Variants in CD276 observed in about 807,000 individuals in gnomAD.
CD276 encodes the protein CD276 molecule.
In CD276, 34 loss-of-function variants were observed where a neutral mutation model predicts 50.0. The ratio of observed to expected loss-of-function variants is 0.68; its 90% CI spans 0.52 to 0.91. CD276 has a LOEUF of 0.91. Ranked by LOEUF, CD276 falls within the 40% of genes least tolerant of loss-of-function variation. The probability of loss-of-function intolerance (pLI) is 0.00; values close to 1 mark genes in which losing one functional copy is unlikely to be tolerated. For missense variants in CD276, 634 were observed against 717.5 expected, an observed-to-expected ratio of 0.88 and a Z score of 1.33; for synonymous variants, 275 against 313.0, an observed-to-expected ratio of 0.88 and a Z score of 1.28.
In CD276 at chr15:73,703,640, CCT is replaced by C; in HGVS notation, c.734-16_734-15del. On this transcript the variant is annotated splice_polypyrimidine_tract_variant and intron_variant, in intron 4 of 9. Transcript: ENST00000318443. ...TCCCATTTCTCCTCACCACCCTGCC[CCT>C]CTGACCCCGCCCCCAGGAGCCGTGG... The C allele has an allele frequency of 6.3e-7, 1 of 1,589,784 alleles. No individual in the cohort carries two copies.
At chr15:73,705,931 A>C (rs1900630605) in intron 6 of CD276, among the ~76,000 whole-genome samples, 1 of 152,218 alleles carries the variant, frequency 6.6e-6, no homozygotes, top group South Asian at 2.1e-4. Flanking sequence ...TTTAAACTTG[A>C]GTAGCTAACA....
At position 73,703,895 on chromosome 15, in the gene CD276, T is replaced by A. The variant is rs746602353; in HGVS notation, c.970T>A (p.Ser324Thr). The change falls in exon 5 of 10, where the codon TCC becomes ACC. Residue 324 changes from serine to threonine, a missense_variant. Ser to Thr is a moderately conservative substitution (Grantham distance 58). Coordinates refer to ENST00000318443, the MANE Select transcript of CD276 (RefSeq NM_001024736.2). ...FPDLLAQGNA[S>T]LRLQRVRVAD... ...GGACCTGCTGGCACAAGGCAATGCA[T>A]CCCTGAGGCTGCAGCGCGTGCGTGT... 6.2e-7 allele frequency: 1 copy of A among 1,613,690 alleles called. No homozygotes were observed.
chr15:73,692,146 C>T (rs1259639821), intron 1 of CD276, among the ~76,000 whole-genome samples: 1 of 152,158 alleles, frequency 6.6e-6, no homozygotes, highest in African/African-American at 2.4e-5. Context: ...TCTTCTGTGA[C>T]TTTTCATGCT....
At chr15:73,709,008 A>G (rs1010519760) in intron 7 of CD276, among the ~76,000 whole-genome samples, 10 of 152,144 alleles carry the variant, frequency 6.6e-5, no homozygotes, top group African/African-American at 2.4e-4. Flanking sequence ...CTGGTGGGTA[A>G]ACAGATGCAT....
chr15:73,709,613 A>G, intron 7 of CD276, 35 bp from the exon 8 acceptor site: 1 of 1,611,056 alleles, frequency 6.2e-7, no homozygotes. Context: ...GGCTTGCAAA[A>G]GATTTTTGTT....
intron 9 of CD276, chr15:73,711,483 C>G (rs957205099): frequency 1.2e-5 from 4 of 330,332 alleles, no homozygotes; most frequent in African/African-American, 8.5e-5. Flanking sequence ...GGATTCTGCC[C>G]TCTTCAACTT....
intron 6 of CD276, among the ~76,000 whole-genome samples, chr15:73,708,001 A>G (rs1900715145): frequency 6.6e-6 from 1 of 152,200 alleles, no homozygotes; most frequent in Non-Finnish European, 1.5e-5. Flanking sequence ...AACTTAGGGG[A>G]GGGTAAGCAG....
intron 2 of CD276, among the ~76,000 whole-genome samples, chr15:73,700,341 T>C (rs1210590606): frequency 1.3e-5 from 2 of 152,244 alleles, no homozygotes; most frequent in East Asian, 1.9e-4. Context: ...GCTACTTTAA[T>C]AACAATATCC....
At chr15:73,707,294 G>A (rs1252254506) in intron 6 of CD276, among the ~76,000 whole-genome samples, 1 of 152,234 alleles carries the variant, frequency 6.6e-6, no homozygotes, top group East Asian at 1.9e-4. Flanking sequence ...TTCCTCTCAA[G>A]ACTTCTCCCT....
intron 1 of CD276, among the ~76,000 whole-genome samples, chr15:73,691,852 G>T (rs1467185928): frequency 6.6e-6 from 1 of 152,184 alleles, no homozygotes; most frequent in African/African-American, 2.4e-5. Flanking sequence ...ACGGGGAGGT[G>T]CTCATCTGTT....
chr15:73,689,625 G>C (rs571907092), intron 1 of CD276, among the ~76,000 whole-genome samples: 2 of 152,222 alleles, frequency 1.3e-5, no homozygotes, highest in East Asian at 3.9e-4. Flanking sequence ...TCCTATGAGG[G>C]TAAGGTTTAT....
chr15:73,688,777 G>A (rs146645139), intron 1 of CD276, among the ~76,000 whole-genome samples: 85 of 152,302 alleles, frequency 5.6e-4, no homozygotes, highest in African/African-American at 2.0e-3. Flanking sequence ...GCTACACTCC[G>A]AGAGGGGTCT....
intron 1 of CD276, among the ~76,000 whole-genome samples, chr15:73,689,793 G>A (rs1330355576): frequency 6.6e-6 from 1 of 152,096 alleles, no homozygotes; most frequent in Non-Finnish European, 1.5e-5. Flanking sequence ...GAAGCTTCTT[G>A]TGATTACACC....
chr15:73,686,417 G>A (rs910404338), intron 1 of CD276: 22 of 380,372 alleles, frequency 5.8e-5, no homozygotes, highest in Non-Finnish European at 7.6e-5. Flanking sequence ...CCGATGGAGG[G>A]TTGGCTGAAT....
Position 73,712,983 on chromosome 15 carries a change from C to T in CD276, c.*27C>T. 6.2e-7 allele frequency: 1 copy of T among 1,608,594 alleles called. No homozygotes were observed. Among genetic ancestry groups the T allele is most frequent in the African/African-American group, 1.3e-5 (1 of 74,926 alleles). On this transcript the variant is annotated 3_prime_UTR_variant, in exon 10 of 10. Transcript: ENST00000318443. ...CATGAGGACCAGGGAGCTGCTACCC[C>T]TCCCTACAGCTCCTACCCTCTGGCT... is the stretch of plus-strand genomic sequence containing the variant.
chr15:73,713,682 G>C lies in CD276; in HGVS notation c.*726G>C. On this transcript the variant is annotated 3_prime_UTR_variant, in exon 10 of 10. Coordinates refer to ENST00000318443, the MANE Select transcript of CD276 (RefSeq NM_001024736.2). ...ACACGTGTGGTTCCCCCCTGGCCCA[G>C]CCTCCTCTGCAGTGCCCCTCTCCCC... is the stretch of plus-strand genomic sequence containing the variant. 1 of 422,004 alleles carries C rather than the reference G, an allele frequency of 2.4e-6. No homozygotes were observed. Among genetic ancestry groups the C allele is most frequent in the South Asian group, 1.7e-5 (1 of 59,916 alleles). The allele number at this position is 422,004 out of a possible 1,614,324, so 26.1% of individuals were successfully genotyped here.
At chr15:73,701,431 T>C (rs1158060060) in intron 2 of CD276, among the ~76,000 whole-genome samples, 5 of 152,290 alleles carry the variant, frequency 3.3e-5, no homozygotes, top group African/African-American at 7.2e-5. Flanking sequence ...CCATTACTCA[T>C]AGAAAAAGTT....
intron 1 of CD276, chr15:73,686,397 C>G: frequency 1.8e-6 from 1 of 554,224 alleles, no homozygotes; most frequent in Non-Finnish European, 2.3e-6. Context: ...CAGCTCTGTC[C>G]AGGCACCACC....
chr15:73,702,129 C>T (rs1165553092), intron 2 of CD276, 126 bp from the exon 3 acceptor site: 30 of 718,806 alleles, frequency 4.2e-5, no homozygotes, highest in Non-Finnish European at 2.5e-5. Flanking sequence ...CAATAAATTA[C>T]TTTGGGTCTC....
Sources: allele counts gnomAD v4.1 joint callset (sites outside exome capture counted in the v4.1 genomes callset), GRCh38; gene constraint gnomAD v4.1.1; transcripts MANE v1.5; gene names NCBI Gene and HGNC (gene_info 2026-07-23, HGNC 2026-07-21).